The following DDIAS variants were observed in gnomAD, a reference collection of about 807,000 sequenced individuals.
DDIAS encodes the protein DNA damage induced apoptosis suppressor, also known as DNA damage-induced apoptosis suppressor protein.
DDIAS carries 14 observed loss-of-function variants against 15.7 expected under a neutral mutation model. The observed-to-expected ratio is 0.89, with a 90% CI of 0.59 to 1.39. DDIAS has a LOEUF of 1.39. Ranked by LOEUF, DDIAS falls within the 40% of genes most tolerant of loss-of-function variation. The pLI is 0.00. For synonymous variants in DDIAS, 355 were observed against 395.9 expected (o/e 0.90, Z 1.23); for missense variants, 1,035 against 1,130.9 (o/e 0.92, Z 1.22).
At position 82,933,126 on chromosome 11, in the gene DDIAS, T is replaced by G. The variant is rs745676902; in HGVS notation, c.1788T>G (p.Cys596Trp). ...SEMNEKLTTL[C>W]YRKYNDVSDL... ...TGAATGAAAAGTTGACAACTCTGTG[T>G]TATAGGAAGTATAATGATGTCTCTG... The change falls in exon 6 of 6, where the codon TGT (cysteine) becomes TGG (tryptophan). Residue 596 changes from cysteine (C) to tryptophan (W), a missense_variant. Transcript: ENST00000533655. 2 of 1,607,060 alleles carry G rather than the reference T, an allele frequency of 1.2e-6. No individual in the cohort carries two copies. The highest frequency in any genetic ancestry group is 1.7e-6 in the Non-Finnish European group (2 of 1,179,440).
rs1021274668 is a variant in DDIAS at position 82,932,079 on chromosome 11, C to T, written c.741C>T (p.Cys247=). 2 of 1,613,992 alleles carry T rather than the reference C, an allele frequency of 1.2e-6. No individual in the cohort carries two copies. The highest frequency in any genetic ancestry group is 2.7e-5 in the African/African-American group (2 of 74,918). ...GGCAGCCATCACTTGAATTCACTTGCATTGTTTCACAACTAACAGATAATG... is the reference window on the plus strand; with the variant it reads ...GGCAGCCATCACTTGAATTCACTTGTATTGTTTCACAACTAACAGATAATG... ...KFWQPSLEFT[C]IVSQLTDNDD... The change falls in exon 6 of 6, where the codon TGC becomes TGT. Residue 247 remains cysteine, a synonymous_variant. Transcript: ENST00000533655.
intron 3 of DDIAS, among the ~76,000 whole-genome samples, chr11:82,921,664 G>A (rs1371024071): frequency 1.7e-4 from 22 of 130,014 alleles, no homozygotes; most frequent in Admixed American, 1.3e-3. Flanking sequence ...TGCACCCTCC[G>A]CCCCCCCAGG....
At position 82,932,664 on chromosome 11, in the gene DDIAS, T is replaced by A. The variant is rs188745564; in HGVS notation, c.1326T>A (p.Ser442Arg). 6.2e-7 allele frequency: 1 copy of A among 1,614,008 alleles called. No homozygotes were observed. The highest frequency in any genetic ancestry group is 8.5e-7 in the Non-Finnish European group (1 of 1,180,028). ...EIAVTQADVSSRKHHVDNDID... is the reference protein window; with the variant it reads ...EIAVTQADVSRRKHHVDNDID... Reference sequence around the variant, plus strand: ...CTGTAACCCAGGCAGATGTCAGTAGTAGGAAACATCATGTAGATAATGACA... The same window carrying A: ...CTGTAACCCAGGCAGATGTCAGTAGAAGGAAACATCATGTAGATAATGACA... Residue 442 changes from serine to arginine, a missense_variant, in exon 6 of 6, where the codon AGT (serine) becomes AGA (arginine). Coordinates refer to ENST00000533655, the MANE Select transcript of DDIAS (RefSeq NM_145018.4).
chr11:82,904,751 G>C (rs1304189293), intron 1 of DDIAS, among the ~76,000 whole-genome samples: 5 of 152,168 alleles, frequency 3.3e-5, no homozygotes, highest in African/African-American at 9.7e-5. Context: ...TACTTGTCTA[G>C]TATGAAAATG....
intron 1 of DDIAS, among the ~76,000 whole-genome samples, chr11:82,910,045 G>T (rs935029628): frequency 2.6e-5 from 4 of 152,110 alleles, no homozygotes; most frequent in Admixed American, 6.5e-5. Context: ...ATACCGAAAA[G>T]ATTTTATTAT....
intron 3 of DDIAS, among the ~76,000 whole-genome samples, chr11:82,920,027 G>T (rs1043387983): frequency 6.6e-6 from 1 of 152,106 alleles, no homozygotes; most frequent in South Asian, 2.1e-4. Flanking sequence ...CCGGCCTTTT[G>T]TTGGTAATTT....
At chr11:82,925,222 G>A (rs904093330) in intron 3 of DDIAS, among the ~76,000 whole-genome samples, 3 of 152,058 alleles carry the variant, frequency 2.0e-5, no homozygotes, top group Non-Finnish European at 4.4e-5. Flanking sequence ...CCATGTAAAG[G>A]GTCTGTTTTT....
chr11:82,932,992 A>C lies in DDIAS; in HGVS notation c.1654A>C (p.Ile552Leu). 6.2e-7 allele frequency: 1 copy of C among 1,611,488 alleles called. No individual in the cohort carries two copies. The highest frequency in any genetic ancestry group is 8.5e-7 in the Non-Finnish European group (1 of 1,179,726). ...LSSSSKDLET[I>L]VTLKKTIRIS... ...TTCATCTTCAAAAGATTTAGAAACA[A>C]TAGTTACTCTTAAGAAGACTATCAG... The change falls in exon 6 of 6, where the codon ATA (isoleucine) becomes CTA (leucine). Residue 552 changes from isoleucine to leucine, a missense_variant. By Grantham distance (5) the Ile-to-Leu change is conservative. Transcript: ENST00000533655.
At chr11:82,915,198 T>C (rs1279393186) in intron 3 of DDIAS, among the ~76,000 whole-genome samples, 1 of 152,240 alleles carries the variant, frequency 6.6e-6, no homozygotes. Context: ...GCATGATCAG[T>C]AGAATAGTTG....
intron 3 of DDIAS, among the ~76,000 whole-genome samples, chr11:82,917,725 G>A (rs1860659727): frequency 6.6e-6 from 1 of 152,158 alleles, no homozygotes; most frequent in Admixed American, 6.5e-5. Flanking sequence ...TCTCCACACT[G>A]TTTTCCATAG....
In DDIAS at chr11:82,924,846, AC is replaced by A. The variant is rs199610766; in HGVS notation, c.114-3930del. 4.2e-3 allele frequency among the ~76,000 whole-genome samples: 643 copies of A among 152,216 alleles called. 5 individuals are homozygous for A. The highest frequency in any genetic ancestry group is 7.5e-3 in the Non-Finnish European group (512 of 67,992). On this transcript the variant is annotated intron_variant, in intron 3 of 5. Coordinates refer to ENST00000533655, the MANE Select transcript of DDIAS (RefSeq NM_145018.4). The stretch of plus-strand genomic sequence containing the variant: ...ATAAATGAATAAAAATAAAAAAAAA[AC>A]AAATGAAACTTGGTATTTTTTTAAC...
chr11:82,933,253 T>C lies in DDIAS; in HGVS notation c.1915T>C (p.Cys639Arg), dbSNP rs1368078011. 3.1e-6 allele frequency: 5 copies of C among 1,612,366 alleles called. No homozygotes were observed. Among genetic ancestry groups the C allele is most frequent in the Non-Finnish European group, 3.4e-6 (4 of 1,179,634 alleles). The change falls in exon 6 of 6, where the codon TGC (cysteine) becomes CGC (arginine). Residue 639 changes from cysteine (C) to arginine (R), a missense_variant. Cys to Arg is a radical substitution (Grantham distance 180, BLOSUM62 -3). Coordinates refer to ENST00000533655, the MANE Select transcript of DDIAS (RefSeq NM_145018.4). ...RKLTYPLETL[C>R]NSPNRSTNTL... ...ACTTACATATCCTTTAGAAACTCTT[T>C]GCAATAGTCCAAATAGAAGTACAAA...
At chr11:82,923,407 G>C (rs912273509) in intron 3 of DDIAS, among the ~76,000 whole-genome samples, 5 of 152,236 alleles carry the variant, frequency 3.3e-5, no homozygotes, top group Non-Finnish European at 5.9e-5. Context: ...TTATGACAGA[G>C]GAGTTCCATG....
Position 82,932,875 on chromosome 11 carries a change from C to T in DDIAS, c.1537C>T (p.Pro513Ser). 6.2e-7 allele frequency: 1 copy of T among 1,613,224 alleles called. No homozygotes were observed. The highest frequency in any genetic ancestry group is 8.5e-7 in the Non-Finnish European group (1 of 1,179,800). The stretch of plus-strand genomic sequence containing the variant: ...TCCTAGTGTTGAAAAGGAGTCACAA[C>T]CAGATAACAAAGTAGAGGCTGTCTC... ...LSPSVEKESQ[P>S]DNKVEAVSVN... Residue 513 changes from proline to serine, a missense_variant, in exon 6 of 6, where the codon CCA becomes TCA. Transcript: ENST00000533655.
At chr11:82,931,428 T>G (rs1855264762) in intron 5 of DDIAS, among the ~76,000 whole-genome samples, 1 of 152,202 alleles carries the variant, frequency 6.6e-6, no homozygotes, top group African/African-American at 2.4e-5. Flanking sequence ...CATGGCTCAC[T>G]GCAGCCTTGA....
rs1441564093 is a variant in DDIAS at position 82,932,576 on chromosome 11, G to A, written c.1238G>A (p.Trp413Ter). The A allele has an allele frequency of 1.9e-6, 3 of 1,614,152 alleles. No individual in the cohort carries two copies. The highest frequency in any genetic ancestry group is 2.5e-6 in the Non-Finnish European group (3 of 1,180,030). The change falls in exon 6 of 6, where the codon TGG (tryptophan) becomes TAG (stop). Residue 413 changes from tryptophan to a stop codon, truncating the protein, a stop_gained. Transcript: ENST00000533655. LOFTEE classifies it low-confidence loss of function (END_TRUNC). The part of the protein sequence containing the change: ...SSSQDGDPQI[W>*]DDLPFSESLN... ...TCCCAGGATGGTGACCCTCAAATTT[G>A]GGATGATCTGCCATTCTCTGAAAGC...
intron 1 of DDIAS, among the ~76,000 whole-genome samples, chr11:82,908,762 GC>G (rs1310425796): frequency 5.3e-5 from 8 of 152,156 alleles, no homozygotes; most frequent in African/African-American, 1.9e-4. Flanking sequence ...ACTTCGCTCT[GC>G]CTTTGATGCT....
chr11:82,912,168 T>G (rs116170652), intron 1 of DDIAS, among the ~76,000 whole-genome samples: 3 of 152,124 alleles, frequency 2.0e-5, no homozygotes, highest in Non-Finnish European at 4.4e-5. Flanking sequence ...ACCAGCTGCA[T>G]TCACCCCTAA....
chr11:82,909,379 C>A (rs772118738), intron 1 of DDIAS: 1 of 152,090 alleles, frequency 6.6e-6, no homozygotes, highest in Non-Finnish European at 1.5e-5. Context: ...ATCAGCGAGG[C>A]CTTTATAACC....
Sources: allele counts gnomAD v4.1 joint callset (sites outside exome capture counted in the v4.1 genomes callset), GRCh38; gene constraint gnomAD v4.1.1; transcripts MANE v1.5; gene names NCBI Gene and HGNC (gene_info 2026-07-23, HGNC 2026-07-21).